The following CFAP65 variants were observed in gnomAD, a reference collection of about 807,000 sequenced individuals.
CFAP65 encodes cilia- and flagella-associated protein 65.
Under a neutral mutation model 208.0 loss-of-function variants are expected in CFAP65, and 155 were observed. The observed-to-expected ratio is 0.75, with a 90% CI of 0.65 to 0.85. The LOEUF (loss-of-function observed/expected upper bound fraction) is 0.85, where lower values mean the gene tolerates loss of function less well. Ranked by LOEUF, CFAP65 falls within the 40% of genes least tolerant of loss-of-function variation. The pLI is 0.00. For synonymous variants in CFAP65, 970 were observed against 986.3 expected (o/e 0.98, Z 0.31); for missense variants, 2,294 against 2,451.3 (o/e 0.94, Z 1.36).
chr2:219,030,956 C>A, intron 8 of CFAP65, 122 bp from the exon 9 acceptor site: 1 of 1,448,290 alleles, frequency 6.9e-7, no homozygotes, highest in Non-Finnish European at 9.3e-7. Context: ...TCATGGAAGA[C>A]AAAAGGCAAA....
rs1945982282 is a variant in CFAP65 at position 219,006,373 on chromosome 2, A to G, written c.4719+92T>C. ...GGCACTTTCATCCCTCCTTTCTGGG[A>G]GTCTGGTCCAGGGGTTGGAGGTCTC... On this transcript the variant is annotated intron_variant, in intron 30 of 34. Coordinates refer to ENST00000341552, the MANE Select transcript of CFAP65 (RefSeq NM_194302.4). 5 of 1,531,224 alleles carry G rather than the reference A, an allele frequency of 3.3e-6. No homozygotes were observed. In the East Asian group the frequency reaches 6.7e-5, roughly 21 times the overall value. The allele number at this position is 1,531,224 out of a possible 1,614,324, so 94.9% of individuals were successfully genotyped here.
rs2106103662 is a variant in CFAP65 at position 219,010,926 on chromosome 2, A to G, written c.4028T>C (p.Val1343Ala). The change falls in exon 25 of 35, where the codon GTT (valine) becomes GCT (alanine). Residue 1343 changes from valine (V) to alanine (A), a missense_variant. Val to Ala is a moderately conservative substitution (Grantham distance 64). Around this residue, in one of 2 missense-constraint regions of CFAP65, gnomAD observed 1,427 missense variants for 1,438.7 expected, o/e 0.99. Transcript: ENST00000341552. ...GGGGTGATCAAAATTTTTTTCCTGA[A>G]CCTGTGACAGGACATCGGTCTGGAC... is the stretch of plus-strand genomic sequence containing the variant. ...YEVQTDVLSQVQEKNFDHPIF... is the reference protein window; with the variant it reads ...YEVQTDVLSQAQEKNFDHPIF... 1 of 1,613,860 alleles carries G rather than the reference A, an allele frequency of 6.2e-7. No homozygotes were observed. Among genetic ancestry groups the G allele is most frequent in the South Asian group, 1.1e-5 (1 of 91,074 alleles).
In CFAP65 at chr2:219,004,827, G is replaced by T. The variant is rs1945819297; in HGVS notation, c.5052-372C>A. Among the ~76,000 whole-genome samples the T allele has an allele frequency of 7.1e-6, 1 of 139,928 alleles. No individual in the cohort carries two copies. Among genetic ancestry groups the T allele is most frequent in the South Asian group, 2.6e-4 (1 of 3,778 alleles). 91.8% of individuals were successfully genotyped at this position (139,928 alleles called of 152,430 possible). On this transcript the variant is annotated intron_variant, in intron 32 of 34. Transcript: ENST00000341552. This position sits in a 1 kb window ranked among gnomAD's most constrained non-coding sequence, Gnocchi z 4.7. Reference sequence around the variant, plus strand: ...GAGCCCCACTGTCCTGGGGTGGGGGGGCCGGGGGGGGGGACCGTGGTGGGA... The same window carrying T: ...GAGCCCCACTGTCCTGGGGTGGGGGTGCCGGGGGGGGGGACCGTGGTGGGA...
intron 27 of CFAP65, 129 bp downstream of exon 27, chr2:219,009,813 G>C (rs1946338847): frequency 1.2e-5 from 8 of 685,864 alleles, no homozygotes; most frequent in Non-Finnish European, 1.5e-5. Flanking sequence ...GGATGGAGTG[G>C]GGGGGGATGG....
intron 29 of CFAP65, among the ~76,000 whole-genome samples, chr2:219,008,836 G>A (rs1171250074): frequency 2.0e-5 from 3 of 152,224 alleles, no homozygotes; most frequent in Non-Finnish European, 4.4e-5. Flanking sequence ...GGCTACACGA[G>A]GCAGGGAATG....
Position 219,004,470 on chromosome 2 carries a change from G to A in CFAP65, c.5052-15C>T, listed in dbSNP as rs1945795125. The stretch of plus-strand genomic sequence containing the variant: ...CCAGCAGGCCCCTAGGTGGCAGGGA[G>A]AAGGAGAAGGCCCTTGCTGAGGGGC... On this transcript the variant is annotated splice_polypyrimidine_tract_variant and intron_variant, in intron 32 of 34. Transcript: ENST00000341552. The surrounding 1 kb of genome is among the most constrained non-coding windows in gnomAD (Gnocchi z 4.7). 4 of 1,590,880 alleles carry A rather than the reference G, an allele frequency of 2.5e-6. No individual in the cohort carries two copies. Among genetic ancestry groups the A allele is most frequent in the Non-Finnish European group, 3.4e-6 (4 of 1,168,816 alleles).
chr2:219,032,687 G>C lies in CFAP65; in HGVS notation c.543-115C>G. 1 of 866,206 alleles carries C rather than the reference G, an allele frequency of 1.2e-6. No individual in the cohort carries two copies. The highest frequency in any genetic ancestry group is 1.7e-5 in the South Asian group (1 of 58,826). The allele number at this position is 866,206 out of a possible 1,614,324, so 53.7% of individuals were successfully genotyped here. On this transcript the variant is annotated intron_variant, in intron 5 of 34. Coordinates refer to ENST00000341552, the MANE Select transcript of CFAP65 (RefSeq NM_194302.4). The surrounding 1 kb of genome is among the most constrained non-coding windows in gnomAD (Gnocchi z 5.5). ...GAGCTTGAGTCCCTGGGACCACAGA[G>C]AAAGCGATCAGGAGATGAGCACGTG... is the stretch of plus-strand genomic sequence containing the variant.
At chr2:219,011,369 G>C (rs1574543193) in intron 24 of CFAP65, among the ~76,000 whole-genome samples, 1 of 150,090 alleles carries the variant, frequency 6.7e-6, no homozygotes, top group African/African-American at 2.5e-5. Context: ...TGACCTCCTG[G>C]GCTCAAGCAA....
rs757665251 is a variant in CFAP65 at position 219,027,751 on chromosome 2, C to T, written c.2110G>A (p.Asp704Asn). ...GCCATGGACTTGAGTGGGGGCACGT[C>T]GCAGCTCTCTGGAGTCACCCAGAAG... ...CPFWVTPESC[D>N]VPPLKSMAMR... The change falls in exon 13 of 35, where the codon GAC (aspartate) becomes AAC (asparagine). Residue 704 changes from aspartate to asparagine, a missense_variant. Coordinates refer to ENST00000341552, the MANE Select transcript of CFAP65 (RefSeq NM_194302.4). 9 of 1,613,960 alleles carry T rather than the reference C, an allele frequency of 5.6e-6. No individual in the cohort carries two copies. The highest frequency in any genetic ancestry group is 5.0e-5 in the Admixed American group (3 of 60,010).
In CFAP65 at chr2:219,029,373, C is replaced by T. The variant is rs1236274420; in HGVS notation, c.1650+30G>A. 3 of 1,598,716 alleles carry T rather than the reference C, an allele frequency of 1.9e-6. No individual in the cohort carries two copies. In the South Asian group the frequency reaches 3.4e-5, roughly 18 times the overall value. ...GTGGGCCCCAGGGGAGCCCCTCCTC[C>T]CTCAGCCTCATGCCCTCCCCACGAC... is the stretch of plus-strand genomic sequence containing the variant. On this transcript the variant is annotated intron_variant, in intron 11 of 34. Coordinates refer to ENST00000341552, the MANE Select transcript of CFAP65 (RefSeq NM_194302.4).
At chr2:219,019,881 G>A (rs1489395706) in intron 19 of CFAP65, among the ~76,000 whole-genome samples, 162 bp from the exon 20 acceptor site, 1 of 152,218 alleles carries the variant, frequency 6.6e-6, no homozygotes, top group Non-Finnish European at 1.5e-5. Context: ...ACAACAGCCA[G>A]CCCTTGTCTG....
chr2:219,041,542 T>A (rs1477020446), upstream of CFAP65: 1 of 1,550,484 alleles, frequency 6.4e-7, no homozygotes, highest in South Asian at 1.2e-5. Context: ...AACGGCGTCT[T>A]CAGATATCCC....
chr2:219,020,378 T>C (rs1947193639), intron 19 of CFAP65, among the ~76,000 whole-genome samples: 1 of 151,606 alleles, frequency 6.6e-6, no homozygotes, highest in Non-Finnish European at 1.5e-5. Flanking sequence ...TTTATTTATT[T>C]AATTTCATTT....
At chr2:219,035,239 C>T in intron 5 of CFAP65, 1 of 1,356,086 alleles carries the variant, frequency 7.4e-7, no homozygotes, top group Non-Finnish European at 9.8e-7. Context: ...AGAAACAGCC[C>T]AAACTTCCTT....
intron 16 of CFAP65, among the ~76,000 whole-genome samples, chr2:219,022,930 T>C (rs899096175): frequency 2.6e-5 from 4 of 152,178 alleles, no homozygotes; most frequent in Non-Finnish European, 5.9e-5. Flanking sequence ...GGAGGTGACA[T>C]GCCTCTCAGG....
chr2:219,007,344 T>C (rs1310735249), intron 29 of CFAP65, among the ~76,000 whole-genome samples: 1 of 152,020 alleles, frequency 6.6e-6, no homozygotes, highest in Non-Finnish European at 1.5e-5. Context: ...CAGCCAGTTT[T>C]TAAAATTTTA....
At chr2:219,030,666 C>A in intron 9 of CFAP65, 23 bp downstream of exon 9, 1 of 1,607,356 alleles carries the variant, frequency 6.2e-7, no homozygotes, top group South Asian at 1.1e-5. Context: ...TGAGTCCTGC[C>A]GCCCCTCCTG....
chr2:219,006,581 C>A (rs763414303), intron 29 of CFAP65, 72 bp from the exon 30 acceptor site: 537 of 1,496,710 alleles, frequency 3.6e-4, no homozygotes, highest in Non-Finnish European at 4.8e-4. Flanking sequence ...TGCCTGTAAT[C>A]CCAGCACTTT....
At chr2:219,023,888 T>C in intron 15 of CFAP65, 127 bp downstream of exon 15, 2 of 1,169,062 alleles carry the variant, frequency 1.7e-6, no homozygotes, top group Non-Finnish European at 2.4e-6. Context: ...CCTACTATGC[T>C]ACTTCCTGGA....
Sources: allele counts gnomAD v4.1 joint callset (sites outside exome capture counted in the v4.1 genomes callset), GRCh38; gene constraint gnomAD v4.1.1; regional missense constraint gnomAD v4.1.1; non-coding constraint Gnocchi (gnomAD v3.1); transcripts MANE v1.5; gene names NCBI Gene and HGNC (gene_info 2026-07-23, HGNC 2026-07-21).